The following TUSC3 variants were observed in gnomAD, a reference collection of about 807,000 sequenced individuals.
TUSC3 encodes dolichyl-diphosphooligosaccharide--protein glycosyltransferase subunit TUSC3.
A neutral mutation model predicts 44.8 loss-of-function variants in TUSC3; 45 were observed. The observed-to-expected ratio is 1.00, with a 90% confidence interval of 0.79 to 1.29. The LOEUF (loss-of-function observed/expected upper bound fraction) is 1.29, where lower values mean the gene tolerates loss of function less well. TUSC3 is among the 50% of genes most tolerant of loss of function. The probability of loss-of-function intolerance (pLI) is 0.00; values close to 1 mark genes in which losing one functional copy is unlikely to be tolerated. For synonymous variants in TUSC3, 212 were observed against 152.9 expected (o/e 1.39, Z -2.85); for missense variants, 519 against 437.9 (o/e 1.19, Z -1.65).
chr8:15,741,324 C>A (rs780423476), intron 7 of TUSC3, among the ~76,000 whole-genome samples: 4 of 152,116 alleles, frequency 2.6e-5, no homozygotes, highest in Admixed American at 6.5e-5. Context: ...GAGGAAGCTG[C>A]TTATTAGATG....
the TUSC3 span, among the ~76,000 whole-genome samples, chr8:15,804,030 A>G: frequency 6.6e-6 from 1 of 152,192 alleles, no homozygotes. Flanking sequence ...GTGTCTTTAT[A>G]GTAGAATGAT....
At chr8:15,598,134 T>C (rs1804143956) in intron 1 of TUSC3, among the ~76,000 whole-genome samples, 1 of 152,000 alleles carries the variant, frequency 6.6e-6, no homozygotes, top group South Asian at 2.1e-4. Context: ...CAGAGCATAA[T>C]ACCAGTTGGG....
chr8:15,426,533 A>G (rs1292187126), intron 1 of TUSC3, among the ~76,000 whole-genome samples: 4 of 152,224 alleles, frequency 2.6e-5, no homozygotes, highest in Non-Finnish European at 5.9e-5. Context: ...CACTAAGCAT[A>G]ATGTCCTCCA....
intron 7 of TUSC3, among the ~76,000 whole-genome samples, chr8:15,737,514 A>G (rs1300981130): frequency 6.6e-6 from 1 of 152,182 alleles, no homozygotes; most frequent in African/African-American, 2.4e-5. Flanking sequence ...GGATCAGCAA[A>G]GAAACTGGAG....
intron 9 of TUSC3, chr8:15,748,697 T>G (rs1326023147): frequency 1.5e-5 from 10 of 663,034 alleles, no homozygotes; most frequent in Non-Finnish European, 2.8e-5. Context: ...GACATACATA[T>G]TTTTATATAA....
At chr8:15,653,000 A>T (rs1390323341) in intron 3 of TUSC3, among the ~76,000 whole-genome samples, 1 of 152,230 alleles carries the variant, frequency 6.6e-6, no homozygotes, top group Non-Finnish European at 1.5e-5. Context: ...TTACTTTTAC[A>T]AATATGCCTT....
At chr8:15,595,377 G>C (rs938940496) in intron 1 of TUSC3, among the ~76,000 whole-genome samples, 1 of 151,934 alleles carries the variant, frequency 6.6e-6, no homozygotes, top group Admixed American at 6.6e-5. Flanking sequence ...TGGACTTTCC[G>C]CTCTGTTTCC....
intron 7 of TUSC3, chr8:15,733,258 A>C (rs1016697957): frequency 6.8e-6 from 2 of 292,426 alleles, no homozygotes; most frequent in Non-Finnish European, 1.3e-5. Flanking sequence ...AGGAAGCAAA[A>C]CATGTTAACA....
At chr8:15,664,238 T>C (rs189141985) in intron 5 of TUSC3, among the ~76,000 whole-genome samples, 1 of 151,832 alleles carries the variant, frequency 6.6e-6, no homozygotes, top group African/African-American at 2.4e-5. Context: ...ATTGATCTGA[T>C]TGCAAGTTCT....
chr8:15,428,765 C>T (rs554100917), intron 1 of TUSC3, among the ~76,000 whole-genome samples: 123 of 152,198 alleles, frequency 8.1e-4, no homozygotes, highest in African/African-American at 2.7e-3. Flanking sequence ...GCATAAATGT[C>T]GTCTTTTGAG....
chr8:15,835,121 A>G, the TUSC3 span, among the ~76,000 whole-genome samples: 21 of 152,106 alleles, frequency 1.4e-4, no homozygotes, highest in Non-Finnish European at 2.6e-4. Context: ...GTAACTTTTA[A>G]TTTTTCTTTT....
Position 15,540,389 on chromosome 8 carries a change from G to T in TUSC3, c.-42G>T. Reference sequence around the variant, plus strand: ...GCGTGGTGCGCGGTAGGAGCTGGGCGCGCACGGCTACCGCGCGTGGAGGAG... The same window carrying T: ...GCGTGGTGCGCGGTAGGAGCTGGGCTCGCACGGCTACCGCGCGTGGAGGAG... On this transcript the variant is annotated 5_prime_UTR_variant, in exon 1 of 11. Coordinates refer to ENST00000503731, the MANE Select transcript of TUSC3 (RefSeq NM_006765.4). 1.3e-6 allele frequency: 2 copies of T among 1,515,410 alleles called. No individual in the cohort carries two copies. Among genetic ancestry groups the T allele is most frequent in the Non-Finnish European group, 8.8e-7 (1 of 1,130,514 alleles). 93.9% of individuals were successfully genotyped at this position (1,515,410 alleles called of 1,614,324 possible).
intron 8 of TUSC3, among the ~76,000 whole-genome samples, chr8:15,744,331 C>G (rs1430817511): frequency 6.6e-6 from 1 of 152,070 alleles, no homozygotes; most frequent in Non-Finnish European, 1.5e-5. Flanking sequence ...GGAAAATGTG[C>G]TCTGAGGAGC....
intron 6 of TUSC3, among the ~76,000 whole-genome samples, chr8:15,698,297 T>G (rs1359117267): frequency 1.3e-5 from 2 of 152,182 alleles, no homozygotes; most frequent in Non-Finnish European, 2.9e-5. Context: ...ATTATTGTGT[T>G]CTACATCAAA....
intron 1 of TUSC3, among the ~76,000 whole-genome samples, chr8:15,450,678 A>G (rs886494501): frequency 6.6e-6 from 1 of 152,332 alleles, no homozygotes; most frequent in Admixed American, 6.5e-5. Flanking sequence ...TCAAAAATAA[A>G]TAAGTAAAAA....
At chr8:15,757,485 A>T (rs1811974404) in intron 9 of TUSC3, among the ~76,000 whole-genome samples, 1 of 152,196 alleles carries the variant, frequency 6.6e-6, no homozygotes, top group African/African-American at 2.4e-5. Flanking sequence ...AAGCTGTACA[A>T]ATAGAACAAT....
chr8:15,513,801 C>A (rs1272778257), intron 2 of TUSC3, among the ~76,000 whole-genome samples: 1 of 152,196 alleles, frequency 6.6e-6, no homozygotes, highest in African/African-American at 2.4e-5. Context: ...TAGGAGCCAA[C>A]TGCACTTATA....
chr8:15,692,079 C>T (rs1808925127), intron 6 of TUSC3, among the ~76,000 whole-genome samples: 1 of 152,148 alleles, frequency 6.6e-6, no homozygotes, highest in Non-Finnish European at 1.5e-5. Context: ...CCACGCCTGG[C>T]ACATGTGGTT....
At chr8:15,732,168 C>T (rs1024937631) in intron 7 of TUSC3, among the ~76,000 whole-genome samples, 2 of 152,190 alleles carry the variant, frequency 1.3e-5, no homozygotes, top group Admixed American at 6.5e-5. Context: ...AGCATAAATA[C>T]GTATATATGG....
Sources: gnomAD v4.1 joint callset for allele counts (sites outside exome capture counted in the v4.1 genomes callset) on GRCh38, gnomAD v4.1.1 for gene constraint, MANE v1.5 for transcripts, NCBI Gene and HGNC (gene_info 2026-07-23, HGNC 2026-07-21) for gene names.